The following AVEN variants were observed in gnomAD, a reference collection of about 807,000 sequenced individuals.
AVEN encodes cell death regulator Aven.
A neutral mutation model predicts 38.1 loss-of-function variants in AVEN; 41 were observed. The observed-to-expected ratio is 1.08, with a 90% CI of 0.84 to 1.40. AVEN has a LOEUF of 1.40. Among genes scored for constraint, AVEN ranks in the 40% most tolerant of loss-of-function variants. The probability of loss-of-function intolerance (pLI) is 0.00; values close to 1 mark genes in which losing one functional copy is unlikely to be tolerated. For missense variants in AVEN, 605 were observed against 438.8 expected (o/e 1.38, Z -3.38); for synonymous variants, 206 against 171.8 (o/e 1.20, Z -1.56).
chr15:34,021,188 TC>T (rs1898184522), intron 1 of AVEN, among the ~76,000 whole-genome samples: 1 of 152,216 alleles, frequency 6.6e-6, no homozygotes, highest in South Asian at 2.1e-4. Flanking sequence ...TGCATCTTTT[TC>T]TTTTTCTTTT....
chr15:33,878,225 G>T (rs572432882), intron 2 of AVEN, among the ~76,000 whole-genome samples: 1 of 152,070 alleles, frequency 6.6e-6, no homozygotes, highest in South Asian at 2.1e-4. Context: ...ATGAAACGAA[G>T]ATATGCTTTT....
chr15:34,048,350 G>C (rs546400251), intron 5 of AVEN, among the ~76,000 whole-genome samples: 1 of 149,880 alleles, frequency 6.7e-6, no homozygotes, highest in East Asian at 2.0e-4. Context: ...TGACTCAGCT[G>C]TTCCAGCCTG....
intron 2 of AVEN, among the ~76,000 whole-genome samples, chr15:33,954,815 A>G (rs994390895): frequency 6.6e-6 from 1 of 152,206 alleles, no homozygotes; most frequent in Non-Finnish European, 1.5e-5. Context: ...AGACTTTTCA[A>G]TCTGCATCTA....
At chr15:33,906,976 G>A (rs557029401) in intron 2 of AVEN, among the ~76,000 whole-genome samples, 2 of 152,196 alleles carry the variant, frequency 1.3e-5, no homozygotes, top group Non-Finnish European at 2.9e-5. Context: ...TACACAAATT[G>A]GTTAACAGGC....
In AVEN at chr15:33,866,340, G is replaced by A; in HGVS notation, c.*273C>T. On this transcript the variant is annotated 3_prime_UTR_variant, in exon 6 of 6. Transcript: ENST00000306730. ...AAACACTGGCTATGTTGTAAACACT[G>A]CAAGGAAGGAGGCTAGAAACAAGGG... 4.1e-6 allele frequency: 2 copies of A among 485,028 alleles called. No homozygotes were observed. Among genetic ancestry groups the A allele is most frequent in the Non-Finnish European group, 7.3e-6 (2 of 272,778 alleles). 30.0% of individuals were successfully genotyped at this position (485,028 alleles called of 1,614,324 possible). A position where few individuals can be genotyped will look rare whatever the true frequency, so the allele number is the denominator to read the frequency against.
At chr15:33,996,580 C>T (rs1396752489) in intron 2 of AVEN, among the ~76,000 whole-genome samples, 25 of 152,220 alleles carry the variant, frequency 1.6e-4, no homozygotes, top group Admixed American at 1.6e-3. Flanking sequence ...GAGTGGACCT[C>T]CCACAAACTC....
chr15:33,910,670 G>A (rs1056247200), intron 2 of AVEN, among the ~76,000 whole-genome samples: 7 of 152,194 alleles, frequency 4.6e-5, no homozygotes, highest in African/African-American at 1.7e-4. Flanking sequence ...GATGCTAGAA[G>A]GAGATCTGTC....
At chr15:33,928,131 T>G (rs560806187) in intron 2 of AVEN, among the ~76,000 whole-genome samples, 1 of 152,338 alleles carries the variant, frequency 6.6e-6, no homozygotes, top group Non-Finnish European at 1.5e-5. Flanking sequence ...TTTCAACACC[T>G]TGTCAAAATG....
intron 2 of AVEN, among the ~76,000 whole-genome samples, chr15:33,919,919 G>A (rs969693204): frequency 2.6e-5 from 4 of 152,060 alleles, no homozygotes; most frequent in Admixed American, 2.6e-4. Flanking sequence ...CTGTTTCCTA[G>A]TCTGATTACA....
intron 2 of AVEN, among the ~76,000 whole-genome samples, chr15:33,910,623 C>G (rs908830526): frequency 6.6e-6 from 1 of 152,196 alleles, no homozygotes; most frequent in Non-Finnish European, 1.5e-5. Flanking sequence ...GAATGCACCT[C>G]ATAAAATGCC....
At chr15:34,036,075 C>A (rs1200944960) in intron 1 of AVEN, among the ~76,000 whole-genome samples, 1 of 151,302 alleles carries the variant, frequency 6.6e-6, no homozygotes, top group Non-Finnish European at 1.5e-5. Flanking sequence ...GGATTACAAG[C>A]GCGAGCCACC....
chr15:34,041,074 G>A (rs1899456181), upstream of AVEN, among the ~76,000 whole-genome samples: 1 of 151,864 alleles, frequency 6.6e-6, no homozygotes, highest in African/African-American at 2.4e-5. Context: ...TGCACAAATC[G>A]GAGTTTCTCA....
At chr15:33,858,935 GC>G (rs1381665048) in exon 12 of AVEN, 1 of 152,378 alleles carries the variant, frequency 6.6e-6, no homozygotes, top group Admixed American at 6.5e-5. Context: ...AGCAATCCTA[GC>G]CCCTAGAGTA....
intron 3 of AVEN, among the ~76,000 whole-genome samples, chr15:33,871,774 C>CAAA (rs55793582): frequency 1.6e-4 from 15 of 91,564 alleles, no homozygotes; most frequent in Admixed American, 9.7e-4. Flanking sequence ...CTAGTCTCCT[C>CAAA]AAAAAAAAAA....
chr15:33,853,549 C>T, the AVEN span: 5 of 1,613,250 alleles, frequency 3.1e-6, no homozygotes. Context: ...TCATCCTTTG[C>T]TTCAGGTGAT....
intron 2 of AVEN, among the ~76,000 whole-genome samples, chr15:33,933,512 C>CAGAG: frequency 8.3e-6 from 1 of 120,150 alleles, no homozygotes; most frequent in African/African-American, 3.2e-5. Context: ...CACACACACA[C>CAGAG]ACACACACAC....
Position 33,980,448 on chromosome 15 carries a change from G to T in AVEN, c.445+22584C>A, listed in dbSNP as rs79175788. Among the ~76,000 whole-genome samples, 1,060 of 152,206 alleles carry T rather than the reference G, an allele frequency of 7.0e-3. 11 individuals are homozygous for T. The highest frequency in any genetic ancestry group is 0.027 in the South Asian group (128 of 4,820). The stretch of plus-strand genomic sequence containing the variant: ...CGTCCCACACATGAACTCTCCAAAC[G>T]TGCTGCCTCCCAGGCAACACGTCCT... On this transcript the variant is annotated intron_variant, in intron 2 of 5. Coordinates refer to ENST00000306730, the MANE Select transcript of AVEN (RefSeq NM_020371.3).
chr15:33,982,032 CT>C (rs112770455), intron 2 of AVEN, among the ~76,000 whole-genome samples: 72 of 144,612 alleles, frequency 5.0e-4, no homozygotes, highest in Admixed American at 6.2e-4. Context: ...TGTATTTTTT[CT>C]TTTTTTTTTT....
chr15:33,962,696 C>T (rs1895235558), intron 2 of AVEN, among the ~76,000 whole-genome samples: 1 of 151,730 alleles, frequency 6.6e-6, no homozygotes, highest in African/African-American at 2.4e-5. Context: ...TATAATTCCC[C>T]CCTTATCTTC....
Sources: gnomAD v4.1 joint callset for allele counts (sites outside exome capture counted in the v4.1 genomes callset) on GRCh38, gnomAD v4.1.1 for gene constraint, MANE v1.5 for transcripts, NCBI Gene and HGNC (gene_info 2026-07-23, HGNC 2026-07-21) for gene names.